The following COL13A1 variants were observed in gnomAD, a reference collection of about 807,000 sequenced individuals.
The protein encoded by COL13A1 is collagen type XIII alpha 1 chain, also known as collagen alpha-1(XIII) chain.
COL13A1 carries 89 observed loss-of-function variants against 130.9 expected under a neutral mutation model. That is an observed-to-expected ratio of 0.68 (90% CI 0.57 to 0.81). The LOEUF is 0.81. Ranked by LOEUF, COL13A1 falls within the 30% of genes least tolerant of loss-of-function variation. COL13A1 has a pLI of 0.00. For missense variants in COL13A1, 879 were observed against 934.6 expected (o/e 0.94, Z 0.78); for synonymous variants, 402 against 341.6 (o/e 1.18, Z -1.95).
chr10:69,952,770 G>A (rs2069824229), intron 38 of COL13A1, 112 bp from the exon 39 acceptor site: 1 of 737,090 alleles, frequency 1.4e-6, no homozygotes, highest in Non-Finnish European at 2.1e-6. Flanking sequence ...CTAATTTAAA[G>A]CATCTCTTTT....
At chr10:69,924,881 C>T (rs953815393) in intron 24 of COL13A1, 82 bp from the exon 25 acceptor site, 2 of 1,399,174 alleles carry the variant, frequency 1.4e-6, no homozygotes, top group Non-Finnish European at 1.9e-6. Context: ...CCTCCTGGCC[C>T]TTATCACATG....
At chr10:69,938,325 G>A (rs1039673153) in intron 34 of COL13A1, among the ~76,000 whole-genome samples, 1 of 152,108 alleles carries the variant, frequency 6.6e-6, no homozygotes, top group Non-Finnish European at 1.5e-5. Context: ...GGCTGGATAG[G>A]GCTGATGGCC....
chr10:69,931,930 C>T (rs2066172232), intron 30 of COL13A1, among the ~76,000 whole-genome samples: 1 of 152,146 alleles, frequency 6.6e-6, no homozygotes, highest in South Asian at 2.1e-4. Flanking sequence ...ACTGTATTCT[C>T]ATCTGGAGCT....
chr10:69,802,324 CCTT>C lies in COL13A1; in HGVS notation c.-99_-97del. ...AGGGACGTTTTCCAGCGATACAAGC[CCTT>C]TCCCCCTGCCCCGCAGTTTGGATAG... On this transcript the variant is annotated 5_prime_UTR_variant, in exon 1 of 41. Transcript: ENST00000645393. 1 of 1,272,712 alleles carries C rather than the reference CCTT, an allele frequency of 7.9e-7. No individual in the cohort carries two copies. The highest frequency in any genetic ancestry group is 1.0e-6 in the Non-Finnish European group (1 of 985,506). 78.8% of individuals were successfully genotyped at this position (1,272,712 alleles called of 1,614,324 possible). A position where few individuals can be genotyped will look rare whatever the true frequency, so the allele number is the denominator to read the frequency against.
intron 2 of COL13A1, among the ~76,000 whole-genome samples, chr10:69,858,589 A>T (rs994197837): frequency 6.6e-6 from 1 of 152,224 alleles, no homozygotes; most frequent in African/African-American, 2.4e-5. Context: ...AGTTCCTCCT[A>T]AGATGGGCAG....
intron 28 of COL13A1, among the ~76,000 whole-genome samples, chr10:69,929,397 C>T (rs2065811218): frequency 6.6e-6 from 1 of 152,066 alleles, no homozygotes; most frequent in South Asian, 2.1e-4. Flanking sequence ...AGAAGGTCTG[C>T]CCCTCTGTCT....
chr10:69,944,060 G>A (rs762476098), intron 35 of COL13A1, 65 bp from the exon 36 acceptor site: 2 of 1,388,722 alleles, frequency 1.4e-6, no homozygotes, highest in Non-Finnish European at 2.0e-6. Context: ...CTAGGCATCA[G>A]GTGGGGCACC....
At chr10:69,917,475 A>C in intron 18 of COL13A1, 142 bp downstream of exon 18, 1 of 750,334 alleles carries the variant, frequency 1.3e-6, no homozygotes, top group Non-Finnish European at 2.1e-6. Context: ...CAGCTGCAGC[A>C]TTGTGGTCTC....
intron 2 of COL13A1, chr10:69,824,085 C>T (rs1436731767): frequency 2.1e-6 from 1 of 472,084 alleles, no homozygotes; most frequent in Admixed American, 2.4e-5. Context: ...CCATCTCCAA[C>T]ATGGACCAGT....
chr10:69,917,424 T>G (rs2064063137), intron 18 of COL13A1, 91 bp downstream of exon 18: 3 of 1,182,358 alleles, frequency 2.5e-6, no homozygotes, highest in Non-Finnish European at 3.6e-6. Context: ...CACTCTGGAG[T>G]CCCAGCTCTT....
At chr10:69,950,093 C>T (rs1202842372) in intron 38 of COL13A1, among the ~76,000 whole-genome samples, 1 of 150,586 alleles carries the variant, frequency 6.6e-6, no homozygotes, top group Non-Finnish European at 1.5e-5. Context: ...ACTGCTTCTC[C>T]CCCCAGATAT....
chr10:69,855,947 C>A (rs989592700), intron 2 of COL13A1, among the ~76,000 whole-genome samples: 1 of 152,230 alleles, frequency 6.6e-6, no homozygotes, highest in Non-Finnish European at 1.5e-5. Flanking sequence ...GTGGGCCCAC[C>A]CATCCATTCA....
At chr10:69,910,559 T>A (rs988175649) in intron 17 of COL13A1, among the ~76,000 whole-genome samples, 1 of 152,182 alleles carries the variant, frequency 6.6e-6, no homozygotes, top group African/African-American at 2.4e-5. Flanking sequence ...CAAGGCAGGC[T>A]TCTCCATCAG....
At chr10:69,906,151 C>T (rs1000777390) in intron 17 of COL13A1, among the ~76,000 whole-genome samples, 4 of 152,154 alleles carry the variant, frequency 2.6e-5, no homozygotes, top group East Asian at 1.9e-4. Context: ...AGGCACTGCA[C>T]GATTACAGGA....
chr10:69,951,782 C>T (rs1283343702), intron 38 of COL13A1, among the ~76,000 whole-genome samples: 1 of 152,208 alleles, frequency 6.6e-6, no homozygotes, highest in Non-Finnish European at 1.5e-5. Flanking sequence ...ACTCTGACTG[C>T]AAGCCTTTGT....
chr10:69,869,745 A>G (rs2058872903), intron 3 of COL13A1, among the ~76,000 whole-genome samples: 1 of 152,254 alleles, frequency 6.6e-6, no homozygotes, highest in South Asian at 2.1e-4. Context: ...TCAGTGCTCA[A>G]GCTGACATCT....
In COL13A1 at chr10:69,905,960, G is replaced by A; in HGVS notation, c.921+138G>A. ...AGTGAGGCAGGCCAGGTTCTCACTG[G>A]CCCCCCGAGGGCCTGATAAGTGGGA... On this transcript the variant is annotated intron_variant, in intron 17 of 40. Transcript: ENST00000645393. The A allele has an allele frequency of 3.3e-6, 3 of 914,348 alleles. 1 individual carries two copies. The highest frequency in any genetic ancestry group is 3.5e-5 in the South Asian group (2 of 57,616). 56.6% of individuals were successfully genotyped at this position (914,348 alleles called of 1,614,324 possible).
intron 2 of COL13A1, among the ~76,000 whole-genome samples, chr10:69,854,201 C>A (rs1029152054): frequency 3.9e-5 from 6 of 152,172 alleles, no homozygotes; most frequent in Non-Finnish European, 8.8e-5. Flanking sequence ...GATGTCAGAA[C>A]TTGGCTTCAT....
chr10:69,951,495 G>A (rs984271385), intron 38 of COL13A1, among the ~76,000 whole-genome samples: 1 of 152,062 alleles, frequency 6.6e-6, no homozygotes, highest in African/African-American at 2.4e-5. Flanking sequence ...CTCCTGAGTA[G>A]CTAGGACTAC....
Sources: allele counts gnomAD v4.1 joint callset (sites outside exome capture counted in the v4.1 genomes callset), GRCh38; gene constraint gnomAD v4.1.1; transcripts MANE v1.5; gene names NCBI Gene and HGNC (gene_info 2026-07-23, HGNC 2026-07-21).